Variants in ADAMTS2 observed in about 807,000 individuals in gnomAD.
ADAMTS2 encodes ADAM metallopeptidase with thrombospondin type 1 motif 2.
In ADAMTS2, 50 loss-of-function variants were observed where a neutral mutation model predicts 123.0. The ratio of observed to expected loss-of-function variants is 0.41; its 90% confidence interval spans 0.32 to 0.51. The LOEUF (loss-of-function observed/expected upper bound fraction) is 0.51, where lower values mean the gene tolerates loss of function less well. Among genes scored for constraint, ADAMTS2 ranks in the 20% least tolerant of loss-of-function variants. The pLI is 0.35. For missense variants in ADAMTS2, 1,494 were observed against 1,705.2 expected (o/e 0.88, Z 2.18); for synonymous variants, 678 against 695.4 (o/e 0.98, Z 0.39).
At chr5:179,230,722 G>A (rs907587991) in intron 3 of ADAMTS2, among the ~76,000 whole-genome samples, 1 of 152,164 alleles carries the variant, frequency 6.6e-6, no homozygotes, top group Non-Finnish European at 1.5e-5. Context: ...AAACAATAGG[G>A]TTATCAAGGC....
intron 3 of ADAMTS2, among the ~76,000 whole-genome samples, chr5:179,217,798 G>C (rs925428469): frequency 4.7e-5 from 5 of 107,340 alleles, no homozygotes; most frequent in Non-Finnish European, 9.8e-5. Flanking sequence ...TGGCGCAAGG[G>C]GGGGATGGGC....
At position 179,320,858 on chromosome 5, in the gene ADAMTS2, C is replaced by T. The variant is rs146113336; in HGVS notation, c.534+22909G>A. 4.9e-3 allele frequency among the ~76,000 whole-genome samples: 745 copies of T among 152,190 alleles called. 12 individuals carry two copies. The highest frequency in any genetic ancestry group is 0.017 in the African/African-American group (708 of 41,522). On this transcript the variant is annotated intron_variant, in intron 2 of 21. Coordinates refer to ENST00000251582, the MANE Select transcript of ADAMTS2 (RefSeq NM_014244.5). ...AAAGCTGTTTCCCCCGGGTTGTTGC[C>T]CTGTGAGGAGGTAATGCAGCAGCTG...
rs1159430766 is a variant in ADAMTS2 at position 179,180,296 on chromosome 5, T to G, written c.975+776A>C. ...CCATGCACACCGCCAGGAAAGGACGTCCCAGGTTTGGCTGCAAGAGGAAGT... is the reference window on the plus strand; with the variant it reads ...CCATGCACACCGCCAGGAAAGGACGGCCCAGGTTTGGCTGCAAGAGGAAGT... On this transcript the variant is annotated intron_variant, in intron 5 of 21. Coordinates refer to ENST00000251582, the MANE Select transcript of ADAMTS2 (RefSeq NM_014244.5). The surrounding 1 kb of genome is among the most constrained non-coding windows in gnomAD (Gnocchi z 4.6). Among the ~76,000 whole-genome samples the G allele has an allele frequency of 1.3e-5, 2 of 152,136 alleles. No homozygotes were observed. The highest frequency in any genetic ancestry group is 2.9e-5 in the Non-Finnish European group (2 of 68,020).
intron 6 of ADAMTS2, among the ~76,000 whole-genome samples, chr5:179,156,964 T>TC (rs1408453647): frequency 1.7e-4 from 25 of 144,482 alleles, no homozygotes; most frequent in Non-Finnish European, 3.0e-4. Context: ...ATTTTTTCTT[T>TC]TTTTTTTTTT....
At chr5:179,227,444 T>C (rs533737947) in intron 3 of ADAMTS2, among the ~76,000 whole-genome samples, 47 of 152,196 alleles carry the variant, frequency 3.1e-4, no homozygotes, top group African/African-American at 1.1e-3. Context: ...GGCCCAGCTG[T>C]GATCTGGGGT....
At chr5:179,145,338 G>C (rs555500232) in intron 10 of ADAMTS2, among the ~76,000 whole-genome samples, 1 of 152,200 alleles carries the variant, frequency 6.6e-6, no homozygotes, top group East Asian at 1.9e-4. Flanking sequence ...GTCAAACATG[G>C]AGTTACCATA....
In ADAMTS2 at chr5:179,272,921, G is replaced by C. The variant is rs766547415; in HGVS notation, c.678C>G (p.Ala226=). 2.5e-6 allele frequency: 4 copies of C among 1,609,882 alleles called. No individual in the cohort carries two copies. The East Asian group carries it at 6.7e-5, about 27-fold the overall frequency. ...PTSPPLGGPQ[A]LDTGASLDSL... is the part of the protein sequence containing the mutation. ...CTGCAGTAGCCTCACCTGTGTCCAGGGCCTGTGGCCCCCCGAGAGGAGGGG... is the reference window on the plus strand; with the variant it reads ...CTGCAGTAGCCTCACCTGTGTCCAGCGCCTGTGGCCCCCCGAGAGGAGGGG... The change falls in exon 3 of 22, where the codon GCC becomes GCG. Residue 226 remains alanine, a synonymous_variant. Coordinates refer to ENST00000251582, the MANE Select transcript of ADAMTS2 (RefSeq NM_014244.5). The surrounding 1 kb of genome is among the most constrained non-coding windows in gnomAD (Gnocchi z 5.8).
intron 13 of ADAMTS2, among the ~76,000 whole-genome samples, chr5:179,135,361 G>A (rs1763047917): frequency 6.6e-6 from 1 of 152,196 alleles, no homozygotes; most frequent in African/African-American, 2.4e-5. Flanking sequence ...GCAGGGACAA[G>A]TCTATGTTCA....
intron 2 of ADAMTS2, among the ~76,000 whole-genome samples, chr5:179,294,122 G>A (rs1363306604): frequency 1.3e-5 from 2 of 151,992 alleles, no homozygotes; most frequent in Non-Finnish European, 2.9e-5. Flanking sequence ...TGGGTGTGGT[G>A]GTGCATGCCT....
At chr5:179,293,429 T>G (rs1740457672) in intron 2 of ADAMTS2, among the ~76,000 whole-genome samples, 1 of 152,220 alleles carries the variant, frequency 6.6e-6, no homozygotes, top group Non-Finnish European at 1.5e-5. Flanking sequence ...GTCAGAGCCG[T>G]GCGCTGAGCT....
intron 13 of ADAMTS2, among the ~76,000 whole-genome samples, chr5:179,135,653 C>G (rs962474397): frequency 2.6e-5 from 4 of 152,110 alleles, no homozygotes; most frequent in African/African-American, 9.7e-5. Flanking sequence ...ACCACCGTGA[C>G]CTGTGGAATC....
chr5:179,286,717 A>G (rs1249654763), intron 2 of ADAMTS2, among the ~76,000 whole-genome samples: 1 of 152,128 alleles, frequency 6.6e-6, no homozygotes, highest in East Asian at 1.9e-4. Context: ...GGCAGCCATC[A>G]CAGGGCAGCA....
intron 3 of ADAMTS2, among the ~76,000 whole-genome samples, chr5:179,219,217 G>A (rs1765070600): frequency 6.6e-6 from 1 of 152,168 alleles, no homozygotes; most frequent in Admixed American, 6.5e-5. Context: ...CTTCCCCCAG[G>A]AGCAGCAGAG....
chr5:179,161,981 AGT>A (rs879936976), intron 5 of ADAMTS2, among the ~76,000 whole-genome samples: 3 of 152,164 alleles, frequency 2.0e-5, no homozygotes, highest in Non-Finnish European at 4.4e-5. Context: ...CCCCTGCTGC[AGT>A]GTGAGTGTCT....
chr5:179,283,905 T>C (rs2113532574), intron 2 of ADAMTS2, among the ~76,000 whole-genome samples: 1 of 148,218 alleles, frequency 6.7e-6, no homozygotes. Flanking sequence ...AACCAAAACC[T>C]AAAACTAAAC....
At position 179,128,454 on chromosome 5, in the gene ADAMTS2, A is replaced by G. The variant is rs1392831966; in HGVS notation, c.2458-336T>C. ...GTAGCCCAGGCTGGAGTGTAGTGGC[A>G]CGATCTCGGCTCACTGCAACCTCCG... On this transcript the variant is annotated intron_variant, in intron 16 of 21. Coordinates refer to ENST00000251582, the MANE Select transcript of ADAMTS2 (RefSeq NM_014244.5). This position sits in a 1 kb window ranked among gnomAD's most constrained non-coding sequence, Gnocchi z 4.9. 6.6e-6 allele frequency among the ~76,000 whole-genome samples: 1 copy of G among 152,070 alleles called. No individual in the cohort carries two copies. Among genetic ancestry groups the G allele is most frequent in the Admixed American group, 6.6e-5 (1 of 15,266 alleles).
chr5:179,176,824 C>T (rs1223572555), intron 5 of ADAMTS2, among the ~76,000 whole-genome samples: 1 of 152,216 alleles, frequency 6.6e-6, no homozygotes, highest in African/African-American at 2.4e-5. Context: ...CTCCTTCCGA[C>T]GTCTTTGGCA....
intron 3 of ADAMTS2, among the ~76,000 whole-genome samples, chr5:179,229,960 C>T (rs1268869773): frequency 6.6e-6 from 1 of 152,182 alleles, no homozygotes; most frequent in Non-Finnish European, 1.5e-5. Context: ...CCTTTTCTCT[C>T]GACATCCTGA....
At chr5:179,177,477 C>T (rs1445064773) in intron 5 of ADAMTS2, among the ~76,000 whole-genome samples, 2 of 152,182 alleles carry the variant, frequency 1.3e-5, no homozygotes, top group African/African-American at 4.8e-5. Flanking sequence ...TTGTATTAGT[C>T]TTGCCTGATA....
Sources: allele counts gnomAD v4.1 joint callset (sites outside exome capture counted in the v4.1 genomes callset), GRCh38; gene constraint gnomAD v4.1.1; non-coding constraint Gnocchi (gnomAD v3.1); transcripts MANE v1.5; gene names NCBI Gene and HGNC (gene_info 2026-07-23, HGNC 2026-07-21).